ABI2: variants seen among roughly 807,000 people sequenced by gnomAD.
ABI2 encodes the protein abl interactor 2, also known as abelson interactor 2.
In ABI2, 25 loss-of-function variants were observed where a neutral mutation model predicts 59.2. The ratio of observed to expected loss-of-function variants is 0.42; its 90% CI spans 0.31 to 0.59. The LOEUF is 0.59. ABI2 is among the 20% of genes least tolerant of loss of function. The pLI is 0.14. For synonymous variants in ABI2, 213 were observed against 235.5 expected (o/e 0.90, Z 0.87); for missense variants, 545 against 681.8 (o/e 0.80, Z 2.23).
At chr2:203,338,957 TATATAAATATATATATATATATATAA>T (rs1450638704) in intron 1 of ABI2, among the ~76,000 whole-genome samples, 1,499 of 8,788 alleles carry the variant, frequency 0.17, 124 homozygotes, top group Non-Finnish European at 0.19. Context: ...TATATATATA[TATATAAATATATATATATATATATAA>T]ATATATATAT....
intron 1 of ABI2, among the ~76,000 whole-genome samples, chr2:203,364,826 T>G (rs751674303): frequency 2.6e-5 from 4 of 151,916 alleles, no homozygotes; most frequent in Non-Finnish European, 5.9e-5. Flanking sequence ...CTTTGGCTTC[T>G]GGGCTCAAGT....
chr2:203,385,717 A>G (rs138550062), intron 4 of ABI2, among the ~76,000 whole-genome samples: 9 of 152,002 alleles, frequency 5.9e-5, no homozygotes, highest in East Asian at 3.9e-4. Flanking sequence ...AGTAACATCA[A>G]CCTTTGAGAG....
intron 7 of ABI2, 70 bp downstream of exon 7, chr2:203,395,850 G>A (rs1345073530): frequency 1.4e-6 from 2 of 1,443,510 alleles, no homozygotes; most frequent in African/African-American, 1.5e-5. Flanking sequence ...ATTTAATTAT[G>A]GTGGGCTTTC....
chr2:203,356,452 T>G (rs2092013142), intron 1 of ABI2, among the ~76,000 whole-genome samples: 1 of 152,150 alleles, frequency 6.6e-6, no homozygotes, highest in South Asian at 2.1e-4. Context: ...CACTGCAACC[T>G]CTTCCTCTCA....
At chr2:203,425,608 G>A (rs888211774) in intron 11 of ABI2, among the ~76,000 whole-genome samples, 4 of 152,106 alleles carry the variant, frequency 2.6e-5, no homozygotes, top group African/African-American at 4.8e-5. Context: ...TATTTTCTGG[G>A]TTTTTTTGTA....
intron 9 of ABI2, among the ~76,000 whole-genome samples, chr2:203,409,613 A>G (rs569334372): frequency 1.3e-5 from 2 of 152,274 alleles, no homozygotes; most frequent in African/African-American, 4.8e-5. Context: ...TGTCCTTGAT[A>G]TGCTAGCTAA....
chr2:203,390,994 G>A, intron 4 of ABI2, 52 bp from the exon 5 acceptor site: 1 of 1,425,142 alleles, frequency 7.0e-7, no homozygotes. Context: ...TTTCCCAAAA[G>A]TGCCACTTTA....
intron 1 of ABI2, among the ~76,000 whole-genome samples, chr2:203,338,043 G>A (rs749606293): frequency 6.6e-6 from 1 of 152,100 alleles, no homozygotes; most frequent in Admixed American, 6.6e-5. Context: ...AAAAGCTATA[G>A]TAATCAAAAC....
intron 1 of ABI2, among the ~76,000 whole-genome samples, chr2:203,358,192 C>T (rs548381403): frequency 1.1e-3 from 170 of 151,576 alleles, no homozygotes; most frequent in African/African-American, 6.5e-4. Flanking sequence ...AGTCATAGCT[C>T]GCTATATCTT....
rs71408936 is a variant in ABI2 at position 203,429,753 on chromosome 2, CAAAAAAAAA to C, written c.*2410_*2418del. 1.5e-5 allele frequency: 2 copies of C among 130,368 alleles called. No homozygotes were observed. The highest frequency in any genetic ancestry group is 1.6e-5 in the Non-Finnish European group (1 of 63,034). 8.1% of individuals were successfully genotyped at this position (130,368 alleles called of 1,614,324 possible). A position where few individuals can be genotyped will look rare whatever the true frequency, so the allele number is the denominator to read the frequency against. ...GCCTGGTGACAGAGCGAGACTCCAT[CAAAAAAAAA>C]AAAAAAAAGTTCCCACAGCTCACCA... On this transcript the variant is annotated 3_prime_UTR_variant, in exon 12 of 12. Coordinates refer to ENST00000261018, the MANE Select transcript of ABI2 (RefSeq NM_001375670.1).
chr2:203,368,984 A>AATTTTTTTTTTTTTTTTTTTTTTTT lies in ABI2; in HGVS notation c.285+1940_285+1941insATTTTTTTTTTTTTTTTTTTTTTTT, dbSNP rs1312712237. Among the ~76,000 whole-genome samples, 22 of 91,118 alleles carry AATTTTTTTTTTTTTTTTTTTTTTTT rather than the reference A, an allele frequency of 2.4e-4. 10 individuals carry two copies. The highest frequency in any genetic ancestry group is 2.8e-4 in the Admixed American group (2 of 7,168). The allele number at this position is 91,118 out of a possible 152,430, so 59.8% of individuals were successfully genotyped here. A position where few individuals can be genotyped will look rare whatever the true frequency, so the allele number is the denominator to read the frequency against. On this transcript the variant is annotated intron_variant, in intron 2 of 11. Coordinates refer to ENST00000261018, the MANE Select transcript of ABI2 (RefSeq NM_001375670.1). ...TACAGGCACGTGCCATGCTTGGCTG[A>AATTTTTTTTTTTTTTTTTTTTTTTT]TTTTTTTTTTTTTTTTTTTTTTTTT... is the stretch of plus-strand genomic sequence containing the variant.
Position 203,428,733 on chromosome 2 carries a change from G to T in ABI2, c.*1381G>T, listed in dbSNP as rs2098460244. 1 of 152,216 alleles carries T rather than the reference G, an allele frequency of 6.6e-6. No individual in the cohort carries two copies. The highest frequency in any genetic ancestry group is 1.5e-5 in the Non-Finnish European group (1 of 68,072). 9.4% of individuals were successfully genotyped at this position (152,216 alleles called of 1,614,324 possible). A position where few individuals can be genotyped will look rare whatever the true frequency, so the allele number is the denominator to read the frequency against. Reference sequence around the variant, plus strand: ...GAAATGCTGAAAAAAATCCAGGAGGGCTTGTCTCTTTGTGGGTGGTCACTG... The same window carrying T: ...GAAATGCTGAAAAAAATCCAGGAGGTCTTGTCTCTTTGTGGGTGGTCACTG... On this transcript the variant is annotated 3_prime_UTR_variant, in exon 12 of 12. Coordinates refer to ENST00000261018, the MANE Select transcript of ABI2 (RefSeq NM_001375670.1).
In ABI2 at chr2:203,416,750, T is replaced by C. The variant is rs138521139; in HGVS notation, c.1280-158T>C. Among the ~76,000 whole-genome samples, 49 of 152,346 alleles carry C rather than the reference T, an allele frequency of 3.2e-4. 1 individual carries two copies. Among genetic ancestry groups the C allele is most frequent in the Middle Eastern group, 3.4e-3 (1 of 294 alleles). ...TCATACTTGGAGCTCTAGAACGTTATAGTTGGTGGGAAGACTTATCTTGCT... is the reference window on the plus strand; with the variant it reads ...TCATACTTGGAGCTCTAGAACGTTACAGTTGGTGGGAAGACTTATCTTGCT... On this transcript the variant is annotated intron_variant, in intron 10 of 11. Transcript: ENST00000261018.
intron 4 of ABI2, among the ~76,000 whole-genome samples, chr2:203,384,302 T>TTTG (rs1559289400): frequency 4.0e-4 from 24 of 59,742 alleles, no homozygotes; most frequent in African/African-American, 6.9e-4. Flanking sequence ...TTTTTTTTTT[T>TTTG]TTTTTTTTTT....
chr2:203,374,916 A>G (rs188483828), intron 2 of ABI2: 7 of 446,378 alleles, frequency 1.6e-5, no homozygotes, highest in African/African-American at 1.0e-4. Context: ...CAATGCATGG[A>G]TAATCCTAAA....
intron 1 of ABI2, among the ~76,000 whole-genome samples, chr2:203,361,415 C>A (rs2093485342): frequency 6.6e-6 from 1 of 152,148 alleles, no homozygotes; most frequent in South Asian, 2.1e-4. Flanking sequence ...AGGAGGATCA[C>A]TTGAGCCCAG....
At chr2:203,389,665 C>T (rs1010337859) in intron 4 of ABI2, among the ~76,000 whole-genome samples, 34 of 152,002 alleles carry the variant, frequency 2.2e-4, no homozygotes, top group African/African-American at 7.7e-4. Context: ...AGTTGAGGTC[C>T]TTTTTCAAAA....
intron 10 of ABI2, 110 bp downstream of exon 10, chr2:203,411,481 T>C (rs1200978852): frequency 4.7e-6 from 4 of 850,152 alleles, no homozygotes; most frequent in Admixed American, 2.6e-5. Context: ...CATTTCAATA[T>C]TATGAACAAA....
Position 203,428,330 on chromosome 2 carries a change from T to C in ABI2, c.*978T>C, listed in dbSNP as rs182748293. On this transcript the variant is annotated 3_prime_UTR_variant, in exon 12 of 12. Coordinates refer to ENST00000261018, the MANE Select transcript of ABI2 (RefSeq NM_001375670.1). ...AACGCTATTCTACTTTGGAAGAGAA[T>C]AGTAGTTATTTTCAAGTCTCCTGAC... 1 of 152,696 alleles carries C rather than the reference T, an allele frequency of 6.5e-6. No individual in the cohort carries two copies. The highest frequency in any genetic ancestry group is 1.9e-4 in the East Asian group (1 of 5,172). The allele number at this position is 152,696 out of a possible 1,614,324, so 9.5% of individuals were successfully genotyped here.
Sources: allele counts gnomAD v4.1 joint callset (sites outside exome capture counted in the v4.1 genomes callset), GRCh38; gene constraint gnomAD v4.1.1; transcripts MANE v1.5; gene names NCBI Gene and HGNC (gene_info 2026-07-23, HGNC 2026-07-21).